LRCH1: variants seen among roughly 807,000 people sequenced by gnomAD.
LRCH1 encodes the protein leucine-rich repeat and calponin homology domain-containing protein 1.
In LRCH1, 23 loss-of-function variants were observed where a neutral mutation model predicts 94.9. The ratio of observed to expected loss-of-function variants is 0.24; its 90% CI spans 0.17 to 0.34. LRCH1 has a LOEUF of 0.34. Ranked by LOEUF, LRCH1 falls within the 10% of genes least tolerant of loss-of-function variation. The pLI is 1.00. For synonymous variants in LRCH1, 364 were observed against 354.9 expected (o/e 1.03, Z -0.29); for missense variants, 790 against 945.9 (o/e 0.84, Z 2.16).
At chr13:46,681,698 T>C in intron 3 of LRCH1, 43 bp from the exon 4 acceptor site, 1 of 1,348,704 alleles carries the variant, frequency 7.4e-7, no homozygotes, top group Non-Finnish European at 1.1e-6. Flanking sequence ...CTTGATTTCC[T>C]GGAAAAAGAT....
At chr13:46,571,067 C>G (rs1033279644) in intron 1 of LRCH1, among the ~76,000 whole-genome samples, 2 of 152,164 alleles carry the variant, frequency 1.3e-5, no homozygotes, top group African/African-American at 4.8e-5. Context: ...GAAATTCACC[C>G]TAGAGTTTAC....
At chr13:46,718,041 G>A (rs950792753) in intron 16 of LRCH1, among the ~76,000 whole-genome samples, 7 of 152,280 alleles carry the variant, frequency 4.6e-5, no homozygotes, top group Admixed American at 4.6e-4. Flanking sequence ...TTTAACCTCC[G>A]TTTTTAACCT....
Position 46,744,638 on chromosome 13 carries a change from T to C in LRCH1, c.*2790T>C. ...CCTGCTGCTATTTGTTTGTAAGAAA[T>C]TAAAACTAGCGCGTGGTGAGCTGGG... On this transcript the variant is annotated 3_prime_UTR_variant, in exon 20 of 20. Coordinates refer to ENST00000389797, the MANE Select transcript of LRCH1 (RefSeq NM_001164211.2). The C allele has an allele frequency of 1.0e-6, 1 of 985,336 alleles. No homozygotes were observed. Among genetic ancestry groups the C allele is most frequent in the Non-Finnish European group, 1.2e-6 (1 of 829,888 alleles). 61.0% of individuals were successfully genotyped at this position (985,336 alleles called of 1,614,324 possible). A position where few individuals can be genotyped will look rare whatever the true frequency, so the allele number is the denominator to read the frequency against.
At chr13:46,709,586 G>A (rs1233712358) in intron 13 of LRCH1, among the ~76,000 whole-genome samples, 1 of 152,038 alleles carries the variant, frequency 6.6e-6, no homozygotes, top group Admixed American at 6.6e-5. Flanking sequence ...CTCTCATAGA[G>A]TTTTAAAAAC....
In LRCH1 at chr13:46,742,709, T is replaced by C; in HGVS notation, c.*861T>C. 9.1e-6 allele frequency: 9 copies of C among 985,426 alleles called. No homozygotes were observed. The highest frequency in any genetic ancestry group is 1.1e-5 in the Non-Finnish European group (9 of 829,926). 61.0% of individuals were successfully genotyped at this position (985,426 alleles called of 1,614,324 possible). On this transcript the variant is annotated 3_prime_UTR_variant, in exon 20 of 20. Transcript: ENST00000389797. ...ATCACTGCTTTTTTGCCACATCACA[T>C]AGTAACTGCCGGTCCAGAATGTGAC...
intron 7 of LRCH1, among the ~76,000 whole-genome samples, chr13:46,689,894 T>C (rs1870811191): frequency 1.3e-5 from 2 of 152,158 alleles, no homozygotes; most frequent in South Asian, 4.1e-4. Context: ...TAAATGGAGC[T>C]TCTTGGCCTC....
rs1024188572 is a variant in LRCH1, at chr13:46,744,565, G to C, written c.*2717G>C. 5.1e-6 allele frequency: 5 copies of C among 985,226 alleles called. No homozygotes were observed. The highest frequency in any genetic ancestry group is 4.8e-6 in the Non-Finnish European group (4 of 829,928). 61.0% of individuals were successfully genotyped at this position (985,226 alleles called of 1,614,324 possible). On this transcript the variant is annotated 3_prime_UTR_variant, in exon 20 of 20. Transcript: ENST00000389797. ...CGCAGAACTACAATGTATGATAATCGAGTATAAATTTCATCAATGAGAGTA... is the reference window on the plus strand; with the variant it reads ...CGCAGAACTACAATGTATGATAATCCAGTATAAATTTCATCAATGAGAGTA...
At chr13:46,585,397 G>T (rs1170831677) in intron 1 of LRCH1, among the ~76,000 whole-genome samples, 2 of 151,970 alleles carry the variant, frequency 1.3e-5, no homozygotes, top group African/African-American at 4.8e-5. Context: ...CTAACACGGT[G>T]AAACCACGTC....
rs1872076404 is a variant in LRCH1, at chr13:46,711,796, A to C, written c.1533A>C (p.Gln511His). The C allele has an allele frequency of 1.2e-6, 2 of 1,612,932 alleles. No individual in the cohort carries two copies. ...CTTTGTTCTTCTTTTTTAAGGTGCA[A>C]AGTGATCTAACATTACAGAGTAACG... ...QLETSPVCEV[Q>H]SDLTLQSNGS... The change falls in exon 14 of 20, where the codon CAA becomes CAC. Residue 511 changes from glutamine (Q) to histidine (H), a missense_variant. Coordinates refer to ENST00000389797, the MANE Select transcript of LRCH1 (RefSeq NM_001164211.2).
At position 46,692,993 on chromosome 13, in the gene LRCH1, A is replaced by G. The variant is rs1255591991; in HGVS notation, c.1120+352A>G. Among the ~76,000 whole-genome samples the G allele has an allele frequency of 8.7e-4, 113 of 129,150 alleles. 1 individual carries two copies. The highest frequency in any genetic ancestry group is 3.0e-3 in the African/African-American group (100 of 32,852). The allele number at this position is 129,150 out of a possible 152,430, so 84.7% of individuals were successfully genotyped here. On this transcript the variant is annotated intron_variant, in intron 8 of 19. Transcript: ENST00000389797. The stretch of plus-strand genomic sequence containing the variant: ...TTTTTTTTTTTTTTTTTTGACATGG[A>G]GTCTCGCTCTGTCTCCCAGGCTGGA...
intron 3 of LRCH1, among the ~76,000 whole-genome samples, chr13:46,673,838 C>T (rs2051635390): frequency 2.1e-5 from 3 of 144,536 alleles, no homozygotes; most frequent in African/African-American, 5.2e-5. Flanking sequence ...TAGAGTGCAG[C>T]GGCACAATCT....
chr13:46,696,206 A>G (rs543578212), intron 9 of LRCH1, among the ~76,000 whole-genome samples: 1,400 of 129,910 alleles, frequency 0.011, 11 homozygotes, highest in African/African-American at 0.054. Context: ...ACACACACAC[A>G]CACACACACA....
intron 1 of LRCH1, 41 bp from the exon 2 acceptor site, chr13:46,650,160 T>C (rs150516332): frequency 6.8e-7 from 1 of 1,473,012 alleles, no homozygotes; most frequent in African/African-American, 1.4e-5. Context: ...ATTGATTTTG[T>C]TCAAATTTTG....
rs956928818 is a variant in LRCH1 at position 46,553,312 on chromosome 13, G to C, written c.-85G>C. The C allele has an allele frequency of 8.7e-7, 1 of 1,142,988 alleles. No homozygotes were observed. 70.8% of individuals were successfully genotyped at this position (1,142,988 alleles called of 1,614,324 possible). On this transcript the variant is annotated 5_prime_UTR_variant, in exon 1 of 20. Transcript: ENST00000389797. The stretch of plus-strand genomic sequence containing the variant: ...TTTCGGTGGAGCACTGCGGCACTCA[G>C]CCCGAGCTGCCGTTTTCCCCTCGCG...
chr13:46,654,341 C>T (rs74076960), intron 2 of LRCH1, among the ~76,000 whole-genome samples: 12,955 of 152,252 alleles, frequency 0.085, 664 homozygotes, highest in Middle Eastern at 0.16. Context: ...GGCCTTTTCA[C>T]GTCTTTTCTG....
intron 1 of LRCH1, among the ~76,000 whole-genome samples, chr13:46,604,604 T>C (rs1035250883): frequency 7.2e-5 from 11 of 152,234 alleles, no homozygotes; most frequent in Non-Finnish European, 1.3e-4. Context: ...AGAACTTACA[T>C]CTTGTTGGTC....
intron 13 of LRCH1, among the ~76,000 whole-genome samples, chr13:46,711,160 C>T (rs1872042987): frequency 6.6e-6 from 1 of 152,198 alleles, no homozygotes; most frequent in Non-Finnish European, 1.5e-5. Flanking sequence ...TCTTAAACTG[C>T]TCCTGTGTTC....
intron 11 of LRCH1, among the ~76,000 whole-genome samples, chr13:46,704,139 A>G (rs1247476867): frequency 6.6e-6 from 1 of 152,144 alleles, no homozygotes; most frequent in Non-Finnish European, 1.5e-5. Flanking sequence ...ATTTTATAAT[A>G]GTTCTGTGAG....
intron 2 of LRCH1, among the ~76,000 whole-genome samples, chr13:46,654,155 T>G (rs566199845): frequency 9.4e-4 from 143 of 152,352 alleles, no homozygotes; most frequent in Non-Finnish European, 1.6e-3. Context: ...TCTTCTCAGA[T>G]GTTGAGTAGT....
Sources: gnomAD v4.1 joint callset for allele counts (sites outside exome capture counted in the v4.1 genomes callset) on GRCh38, gnomAD v4.1.1 for gene constraint, MANE v1.5 for transcripts, NCBI Gene and HGNC (gene_info 2026-07-23, HGNC 2026-07-21) for gene names.